Variants in RAP2A observed in about 807,000 individuals in gnomAD.
RAP2A encodes the protein RAP2A, member of RAS oncogene family.
Under a neutral mutation model 15.1 loss-of-function variants are expected in RAP2A, and 5 were observed. The ratio of observed to expected loss-of-function variants is 0.33; its 90% CI spans 0.17 to 0.70. The LOEUF (loss-of-function observed/expected upper bound fraction) is 0.70, where lower values mean the gene tolerates loss of function less well. RAP2A is among the 30% of genes least tolerant of loss of function. The pLI, the probability that RAP2A is intolerant of heterozygous loss-of-function variation, is 0.68. For synonymous variants in RAP2A, 110 were observed against 99.7 expected, an observed-to-expected ratio of 1.10 and a Z score of -0.62; for missense variants, 111 against 240.3, an observed-to-expected ratio of 0.46 and a Z score of 3.56.
At chr13:97,444,111 A>G (rs2066669651) in intron 1 of RAP2A, among the ~76,000 whole-genome samples, 1 of 152,194 alleles carries the variant, frequency 6.6e-6, no homozygotes, top group Admixed American at 6.5e-5. Context: ...GTATAGTATA[A>G]CATTTCTGTT....
At chr13:97,436,372 A>G (rs2066634454) in intron 1 of RAP2A, among the ~76,000 whole-genome samples, 1 of 152,120 alleles carries the variant, frequency 6.6e-6, no homozygotes, top group South Asian at 2.1e-4. Flanking sequence ...AACCAAACCA[A>G]CTGCAGGGTA....
At chr13:97,463,353 CACTT>C (rs2066756466) in intron 1 of RAP2A, among the ~76,000 whole-genome samples, 1 of 152,176 alleles carries the variant, frequency 6.6e-6, no homozygotes, top group Non-Finnish European at 1.5e-5. Context: ...TCTTTCTTAT[CACTT>C]ACTATTTTTA....
rs578153660 is a variant in RAP2A, at chr13:97,455,127, T to C, written c.315-9078T>C. Among the ~76,000 whole-genome samples the C allele has an allele frequency of 4.6e-5, 7 of 151,640 alleles. No individual in the cohort carries two copies. In the East Asian group the frequency reaches 7.7e-4, roughly 17 times the overall value. On this transcript the variant is annotated intron_variant, in intron 1 of 1. Coordinates refer to ENST00000245304, the MANE Select transcript of RAP2A (RefSeq NM_021033.7). Reference sequence around the variant, plus strand: ...TATTTTTTCAATCTTTTTTCTCTCATTTATTCAAATTAGATCATTTTTGTT... The same window carrying C: ...TATTTTTTCAATCTTTTTTCTCTCACTTATTCAAATTAGATCATTTTTGTT...
intron 1 of RAP2A, among the ~76,000 whole-genome samples, chr13:97,438,038 C>T (rs146099724): frequency 1.1e-3 from 166 of 152,332 alleles, no homozygotes; most frequent in Non-Finnish European, 2.1e-3. Flanking sequence ...TTTGTAAATT[C>T]ATATGCTTTC....
intron 1 of RAP2A, among the ~76,000 whole-genome samples, chr13:97,459,892 A>G (rs1006946836): frequency 2.0e-5 from 3 of 152,262 alleles, no homozygotes; most frequent in African/African-American, 7.2e-5. Context: ...AAGTGTCTAG[A>G]ATAGTGGCTA....
chr13:97,437,429 G>A (rs755202658), intron 1 of RAP2A: 1 of 152,180 alleles, frequency 6.6e-6, no homozygotes, highest in Non-Finnish European at 1.5e-5. Flanking sequence ...CTGTGAAATA[G>A]AGATTAGCAT....
chr13:97,441,841 T>G lies in RAP2A; in HGVS notation c.314+7057T>G, dbSNP rs1218016658. 1.4e-5 allele frequency: 6 copies of G among 433,034 alleles called. No homozygotes were observed. The Admixed American group carries it at 1.6e-4, about 11-fold the overall frequency. The allele number at this position is 433,034 out of a possible 1,614,324, so 26.8% of individuals were successfully genotyped here. A position where few individuals can be genotyped will look rare whatever the true frequency, so the allele number is the denominator to read the frequency against. Reference sequence around the variant, plus strand: ...ATAAGAGTTTGAATACGAGCAGACTTTCAAACAAGGTAAAACTGATGGTGA... The same window carrying G: ...ATAAGAGTTTGAATACGAGCAGACTGTCAAACAAGGTAAAACTGATGGTGA... On this transcript the variant is annotated intron_variant, in intron 1 of 1. Transcript: ENST00000245304.
chr13:97,461,888 G>A (rs1035558518), intron 1 of RAP2A, among the ~76,000 whole-genome samples: 5 of 150,758 alleles, frequency 3.3e-5, no homozygotes, highest in Admixed American at 6.6e-5. Flanking sequence ...GCGTGAACCC[G>A]GGAGGCGGAG....
intron 1 of RAP2A, among the ~76,000 whole-genome samples, chr13:97,461,950 G>A (rs1430251515): frequency 4.2e-5 from 6 of 143,820 alleles, no homozygotes; most frequent in Admixed American, 2.8e-4. Context: ...GAGACAGAGC[G>A]AGACTCCGTC....
chr13:97,442,645 G>A (rs757302381), intron 1 of RAP2A, among the ~76,000 whole-genome samples: 46 of 151,856 alleles, frequency 3.0e-4, no homozygotes, highest in Middle Eastern at 3.4e-3. Context: ...ATTTTATTTC[G>A]TTGTTTTTAA....
At chr13:97,455,166 T>TA (rs1339069812) in intron 1 of RAP2A, among the ~76,000 whole-genome samples, 2 of 151,522 alleles carry the variant, frequency 1.3e-5, no homozygotes, top group Non-Finnish European at 2.9e-5. Context: ...CTGTTAAGTT[T>TA]ACTGAATCTT....
chr13:97,461,238 T>G (rs2066744927), intron 1 of RAP2A, among the ~76,000 whole-genome samples: 1 of 152,232 alleles, frequency 6.6e-6, no homozygotes, highest in Admixed American at 6.5e-5. Context: ...TCTTTTCTAC[T>G]GTCCCAAATT....
chr13:97,458,871 C>CT (rs1287928497), intron 1 of RAP2A, among the ~76,000 whole-genome samples: 1 of 152,022 alleles, frequency 6.6e-6, no homozygotes, highest in Non-Finnish European at 1.5e-5. Flanking sequence ...TAACATTCTA[C>CT]AGCTAAGTGA....
chr13:97,448,595 G>A (rs1421279695), intron 1 of RAP2A, among the ~76,000 whole-genome samples: 1 of 152,168 alleles, frequency 6.6e-6, no homozygotes, highest in Non-Finnish European at 1.5e-5. Context: ...CAAGGAGGCA[G>A]AGCTGGGACT....
At chr13:97,455,411 C>T (rs2066718831) in intron 1 of RAP2A, among the ~76,000 whole-genome samples, 1 of 151,364 alleles carries the variant, frequency 6.6e-6, no homozygotes, top group Non-Finnish European at 1.5e-5. Flanking sequence ...ATTAGTTTTT[C>T]TGGTTCTTTG....
chr13:97,462,613 T>C (rs2066752736), intron 1 of RAP2A, among the ~76,000 whole-genome samples: 1 of 152,216 alleles, frequency 6.6e-6, no homozygotes, highest in East Asian at 1.9e-4. Context: ...TAAATTTATA[T>C]AAAGTCCTTT....
At chr13:97,438,389 G>A (rs911550638) in intron 1 of RAP2A, among the ~76,000 whole-genome samples, 1 of 151,914 alleles carries the variant, frequency 6.6e-6, no homozygotes, top group African/African-American at 2.4e-5. Flanking sequence ...CCTTTCTCTG[G>A]GCTCTCCTTT....
intron 1 of RAP2A, among the ~76,000 whole-genome samples, chr13:97,436,340 A>G (rs1407646864): frequency 6.6e-6 from 1 of 152,124 alleles, no homozygotes; most frequent in African/African-American, 2.4e-5. Flanking sequence ...CCCTCCCCCA[A>G]CCACTCAATT....
At position 97,466,246 on chromosome 13, in the gene RAP2A, GA is replaced by G. The variant is rs1295709953; in HGVS notation, c.*1810del. 1 of 150,194 alleles carries G rather than the reference GA, an allele frequency of 6.7e-6. No individual in the cohort carries two copies. Among genetic ancestry groups the G allele is most frequent in the Non-Finnish European group, 1.5e-5 (1 of 67,734 alleles). The allele number at this position is 150,194 out of a possible 1,614,324, so 9.3% of individuals were successfully genotyped here. On this transcript the variant is annotated 3_prime_UTR_variant, in exon 2 of 2. Transcript: ENST00000245304. ...AAAGATTGATAGTATTTTTCATAAT[GA>G]AAAAACTGAAGAGATACGTGAATGA...
Sources: gnomAD v4.1 joint callset for allele counts (sites outside exome capture counted in the v4.1 genomes callset) on GRCh38, gnomAD v4.1.1 for gene constraint, MANE v1.5 for transcripts, NCBI Gene and HGNC (gene_info 2026-07-23, HGNC 2026-07-21) for gene names.